The following SCMH1 variants were observed in gnomAD, a reference collection of about 807,000 sequenced individuals.
SCMH1 encodes Scm polycomb group protein homolog 1.
Under a neutral mutation model 70.8 loss-of-function variants are expected in SCMH1, and 37 were observed. The ratio of observed to expected loss-of-function variants is 0.52; its 90% CI spans 0.40 to 0.69. SCMH1 has a LOEUF of 0.69. Ranked by LOEUF, SCMH1 falls within the 30% of genes least tolerant of loss-of-function variation. The pLI is 0.00. For synonymous variants in SCMH1, 292 were observed against 307.4 expected (o/e 0.95, Z 0.52); for missense variants, 607 against 827.3 (o/e 0.73, Z 3.27).
At chr1:41,191,990 T>C (rs1348628367) in intron 1 of SCMH1, among the ~76,000 whole-genome samples, 3 of 152,214 alleles carry the variant, frequency 2.0e-5, no homozygotes, top group Non-Finnish European at 2.9e-5. Context: ...TACCAGCTCT[T>C]CAAGTATTTT....
At chr1:41,146,977 C>T (rs1480586001) in intron 5 of SCMH1, among the ~76,000 whole-genome samples, 2 of 152,054 alleles carry the variant, frequency 1.3e-5, no homozygotes, top group Non-Finnish European at 2.9e-5. Flanking sequence ...GTTCCTCCCC[C>T]ACCCCACCCA....
intron 10 of SCMH1, among the ~76,000 whole-genome samples, chr1:41,056,418 C>T (rs1650312216): frequency 6.6e-6 from 1 of 151,974 alleles, no homozygotes. Flanking sequence ...AAATCCTTCC[C>T]AATCTTGAGG....
intron 1 of SCMH1, among the ~76,000 whole-genome samples, chr1:41,206,366 T>C (rs1043863365): frequency 3.3e-5 from 5 of 152,162 alleles, no homozygotes; most frequent in Non-Finnish European, 5.9e-5. Flanking sequence ...CTGATGGAGC[T>C]GAAAACCATG....
chr1:41,047,537 C>G (rs1647017335), intron 11 of SCMH1, among the ~76,000 whole-genome samples: 1 of 152,038 alleles, frequency 6.6e-6, no homozygotes, highest in South Asian at 2.1e-4. Flanking sequence ...TCTGGGACTA[C>G]AGGCGTGCAC....
chr1:41,194,414 T>C (rs2148683013), intron 1 of SCMH1, among the ~76,000 whole-genome samples: 1 of 152,236 alleles, frequency 6.6e-6, no homozygotes, highest in East Asian at 1.9e-4. Context: ...AAGCGAAAGA[T>C]AGAAAAAAAT....
intron 2 of SCMH1, among the ~76,000 whole-genome samples, chr1:41,173,002 G>C (rs963056750): frequency 9.2e-5 from 14 of 151,926 alleles, no homozygotes; most frequent in Admixed American, 3.3e-4. Flanking sequence ...AAATGTAGGA[G>C]AAATGCTTCA....
chr1:41,158,403 G>A (rs1348035863), intron 4 of SCMH1, among the ~76,000 whole-genome samples: 4 of 152,150 alleles, frequency 2.6e-5, no homozygotes, highest in Non-Finnish European at 5.9e-5. Flanking sequence ...CACCCAGAGT[G>A]CTTGTGGAAA....
At chr1:41,082,058 G>C (rs1030483794) in intron 8 of SCMH1, among the ~76,000 whole-genome samples, 1 of 152,108 alleles carries the variant, frequency 6.6e-6, no homozygotes. Flanking sequence ...AAAAATTAAT[G>C]TGAAGGCTAA....
chr1:41,186,086 C>T, intron 2 of SCMH1, 35 bp downstream of exon 2: 1 of 1,546,596 alleles, frequency 6.5e-7, no homozygotes, highest in East Asian at 2.4e-5. Context: ...CTCTTAATCC[C>T]TCTTACCTCC....
At chr1:41,158,753 GC>G (rs1645776284) in intron 4 of SCMH1, among the ~76,000 whole-genome samples, 1 of 151,996 alleles carries the variant, frequency 6.6e-6, no homozygotes, top group Non-Finnish European at 1.5e-5. Context: ...AGGGCTGGAG[GC>G]AAAAAAGACT....
chr1:41,151,326 A>G (rs1300715778), intron 5 of SCMH1, among the ~76,000 whole-genome samples: 2 of 152,224 alleles, frequency 1.3e-5, no homozygotes, highest in Admixed American at 6.5e-5. Context: ...TCCTGTCCGA[A>G]TTAAGAGCTC....
intron 10 of SCMH1, among the ~76,000 whole-genome samples, chr1:41,058,981 C>T (rs1490732080): frequency 6.6e-6 from 1 of 152,140 alleles, no homozygotes; most frequent in Non-Finnish European, 1.5e-5. Flanking sequence ...TGTGTCCTTG[C>T]TTGTGGGAGA....
Position 41,207,880 on chromosome 1 carries a change from G to A in SCMH1, c.-117-21630C>T, listed in dbSNP as rs1191193061. Among the ~76,000 whole-genome samples the A allele has an allele frequency of 4.0e-5, 6 of 150,046 alleles. No individual in the cohort carries two copies. In the East Asian group the frequency reaches 1.2e-3, roughly 30 times the overall value. On this transcript the variant is annotated intron_variant, in intron 1 of 14. Coordinates refer to ENST00000337495, the Ensembl canonical transcript of SCMH1. The stretch of plus-strand genomic sequence containing the variant: ...GAAGTCAGTGTGGCGATTCCTCAGG[G>A]ATCTAGAACTAGAAATACCATTTGA...
At chr1:41,070,811 T>C in intron 9 of SCMH1, 90 bp from the exon 10 acceptor site, 1 of 1,449,202 alleles carries the variant, frequency 6.9e-7, no homozygotes, top group Non-Finnish European at 9.4e-7. Flanking sequence ...GAAGCAAAAA[T>C]ATATTTATGG....
chr1:41,034,938 C>A (rs1259897621), intron 13 of SCMH1, among the ~76,000 whole-genome samples: 1 of 152,214 alleles, frequency 6.6e-6, no homozygotes, highest in Non-Finnish European at 1.5e-5. Context: ...CTGCTCTAAT[C>A]CTTGGAGGCA....
At chr1:41,155,232 T>C (rs1216229015) in intron 4 of SCMH1, among the ~76,000 whole-genome samples, 3 of 152,126 alleles carry the variant, frequency 2.0e-5, no homozygotes, top group African/African-American at 7.2e-5. Context: ...AAAAATGGCA[T>C]TAAAGTACCT....
At chr1:41,161,555 G>A in intron 2 of SCMH1, 123 bp from the exon 3 acceptor site, 1 of 1,088,558 alleles carries the variant, frequency 9.2e-7, no homozygotes, top group Non-Finnish European at 1.2e-6. Context: ...CTATGCTAAG[G>A]AAAAATACTC....
chr1:41,227,048 C>T (rs1233457064), intron 1 of SCMH1, among the ~76,000 whole-genome samples: 1 of 152,236 alleles, frequency 6.6e-6, no homozygotes, highest in African/African-American at 2.4e-5. Context: ...AACACTCTCA[C>T]CACGGATCAT....
chr1:41,195,427 T>G (rs1652806190), intron 1 of SCMH1, among the ~76,000 whole-genome samples: 2 of 151,622 alleles, frequency 1.3e-5, no homozygotes, highest in Admixed American at 1.3e-4. Context: ...GAAAATCAAT[T>G]AACATAATAT....
Sources: allele counts gnomAD v4.1 joint callset (sites outside exome capture counted in the v4.1 genomes callset), GRCh38; gene constraint gnomAD v4.1.1; transcripts MANE v1.5; gene names NCBI Gene and HGNC (gene_info 2026-07-23, HGNC 2026-07-21).